SSPN: variants seen among roughly 807,000 people sequenced by gnomAD.
SSPN encodes the protein K-ras oncogene-associated protein.
In SSPN, 15 loss-of-function variants were observed where a neutral mutation model predicts 19.1. The observed-to-expected ratio is 0.78, with a 90% CI of 0.52 to 1.21. The LOEUF (loss-of-function observed/expected upper bound fraction) is 1.21. Ranked by LOEUF, SSPN falls within the 50% of genes most tolerant of loss-of-function variation. The pLI is 0.00. For synonymous variants in SSPN, 147 were observed against 140.3 expected, an observed-to-expected ratio of 1.05 and a Z score of -0.34; for missense variants, 291 against 314.0, an observed-to-expected ratio of 0.93 and a Z score of 0.55.
intron 1 of SSPN, among the ~76,000 whole-genome samples, chr12:26,140,194 C>A: frequency 6.6e-6 from 1 of 152,246 alleles, no homozygotes; most frequent in South Asian, 2.1e-4. Context: ...GAAATCATGA[C>A]CATTCCAGCC....
intron 1 of SSPN, chr12:26,126,385 A>G (rs1944364779): frequency 1.3e-5 from 2 of 152,210 alleles, no homozygotes; most frequent in Admixed American, 1.3e-4. Flanking sequence ...TCCTGCACAG[A>G]GAGGGATATT....
intron 1 of SSPN, among the ~76,000 whole-genome samples, chr12:26,168,214 GAAA>G (rs60365188): frequency 1.8e-4 from 21 of 117,514 alleles, no homozygotes; most frequent in African/African-American, 2.9e-4. Context: ...CCCTGTCTCA[GAAA>G]AAAAAAAAAA....
chr12:26,218,423 G>C (rs2137498959), intron 1 of SSPN, among the ~76,000 whole-genome samples: 1 of 119,724 alleles, frequency 8.4e-6, no homozygotes, highest in South Asian at 3.6e-4. Context: ...CACCAGCATG[G>C]CACCTGTATA....
At chr12:26,186,946 C>G (rs964615341) in intron 1 of SSPN, among the ~76,000 whole-genome samples, 6 of 152,174 alleles carry the variant, frequency 3.9e-5, no homozygotes, top group Admixed American at 2.6e-4. Flanking sequence ...TCCCCCTTCC[C>G]CACTCCATCT....
intron 1 of SSPN, chr12:26,180,366 A>T (rs1944711404): frequency 1.3e-5 from 2 of 152,116 alleles, no homozygotes; most frequent in Admixed American, 1.3e-4. Flanking sequence ...TCTTGTCACG[A>T]TGAACAGAGT....
chr12:26,195,470 A>T, upstream of SSPN: 1 of 928,458 alleles, frequency 1.1e-6, no homozygotes. Flanking sequence ...GCGCGTTGGC[A>T]GTTGGCGACC....
chr12:26,163,012 A>G (rs1342283368), intron 1 of SSPN, among the ~76,000 whole-genome samples: 2 of 149,118 alleles, frequency 1.3e-5, no homozygotes, highest in African/African-American at 5.0e-5. Flanking sequence ...AGTGTGCTTC[A>G]AGACGTGTGT....
At chr12:26,226,943 G>A (rs916550089) in intron 2 of SSPN, among the ~76,000 whole-genome samples, 2 of 152,104 alleles carry the variant, frequency 1.3e-5, no homozygotes, top group African/African-American at 2.4e-5. Context: ...AAGGCAGCGA[G>A]CGAGCGGAGA....
chr12:26,122,127 G>A (rs1458737039), exon 1 of SSPN: 4 of 1,548,988 alleles, frequency 2.6e-6, no homozygotes, highest in African/African-American at 2.7e-5. Context: ...CGGGTTCCCC[G>A]GCTCGCGGGG....
At chr12:26,170,893 A>G (rs1411507754) in intron 1 of SSPN, among the ~76,000 whole-genome samples, 1 of 152,234 alleles carries the variant, frequency 6.6e-6, no homozygotes, top group East Asian at 1.9e-4. Context: ...CAAGCATGGT[A>G]TGTAATTATA....
intron 1 of SSPN, among the ~76,000 whole-genome samples, chr12:26,141,322 C>T (rs925274169): frequency 2.0e-5 from 3 of 152,166 alleles, no homozygotes; most frequent in African/African-American, 4.8e-5. Flanking sequence ...CCTCCAGAGA[C>T]GGGAAAACGT....
At chr12:26,124,253 G>GCCCCCCCCTC in intron 1 of SSPN, 2 of 785,908 alleles carry the variant, frequency 2.5e-6, no homozygotes, top group Non-Finnish European at 4.2e-6. Flanking sequence ...ACCCTCGTCT[G>GCCCCCCCCTC]CCCCCCCCGC....
chr12:26,156,377 G>A (rs1944556069), intron 1 of SSPN, among the ~76,000 whole-genome samples: 1 of 152,144 alleles, frequency 6.6e-6, no homozygotes, highest in Admixed American at 6.5e-5. Context: ...GAGCAGAGAT[G>A]GCATCTACCT....
chr12:26,191,034 TTCAC>T (rs1412222314), upstream of SSPN, among the ~76,000 whole-genome samples: 4 of 152,238 alleles, frequency 2.6e-5, no homozygotes, highest in Non-Finnish European at 5.9e-5. Flanking sequence ...TCTGGTTTCT[TTCAC>T]TCAGCACACT....
chr12:26,208,021 G>GGA (rs1555180112), intron 1 of SSPN, among the ~76,000 whole-genome samples: 2 of 95,064 alleles, frequency 2.1e-5, no homozygotes, highest in Non-Finnish European at 4.8e-5. Flanking sequence ...GTGGTGGTGG[G>GGA]GGGGGGGGAT....
At chr12:26,199,474 G>C (rs1944859390) in intron 1 of SSPN, among the ~76,000 whole-genome samples, 1 of 152,130 alleles carries the variant, frequency 6.6e-6, no homozygotes, top group Admixed American at 6.5e-5. Context: ...ATGGTTTGAG[G>C]GTTGTAAGTC....
intron 1 of SSPN, among the ~76,000 whole-genome samples, chr12:26,174,772 C>G (rs923978840): frequency 6.6e-6 from 1 of 152,124 alleles, no homozygotes. Context: ...CCACCCACCT[C>G]GACCTCCCAA....
chr12:26,191,959 C>T (rs78870403), upstream of SSPN, among the ~76,000 whole-genome samples: 1,438 of 151,948 alleles, frequency 9.5e-3, 23 homozygotes, highest in Middle Eastern at 0.027. Flanking sequence ...CTTTTTTGTT[C>T]TTGGGGAATG....
In SSPN at chr12:26,202,852, G is replaced by C. The variant is rs1006142857; in HGVS notation, c.279+6901G>C. Among the ~76,000 whole-genome samples the C allele has an allele frequency of 8.5e-5, 13 of 152,190 alleles. 1 individual carries two copies. The highest frequency in any genetic ancestry group is 2.9e-4 in the African/African-American group (12 of 41,444). On this transcript the variant is annotated intron_variant, in intron 1 of 2. Coordinates refer to ENST00000242729, the MANE Select transcript of SSPN (RefSeq NM_005086.5). The stretch of plus-strand genomic sequence containing the variant: ...TATGTTACTGTAGGATAGTGTATTA[G>C]TCTGTTCTCACGCTGCTATAAAGAT...
Sources: allele counts gnomAD v4.1 joint callset (sites outside exome capture counted in the v4.1 genomes callset), GRCh38; gene constraint gnomAD v4.1.1; transcripts MANE v1.5; gene names NCBI Gene and HGNC (gene_info 2026-07-23, HGNC 2026-07-21).